Variants in CCDC149 observed in about 807,000 individuals in gnomAD.
CCDC149 encodes coiled-coil domain-containing protein 149.
In CCDC149, 45 loss-of-function variants were observed where a neutral mutation model predicts 59.9. The ratio of observed to expected loss-of-function variants is 0.75; its 90% CI spans 0.59 to 0.96. The LOEUF (loss-of-function observed/expected upper bound fraction) is 0.96. CCDC149 is among the 40% of genes least tolerant of loss of function. The pLI is 0.00. For missense variants in CCDC149, 584 were observed against 664.7 expected (o/e 0.88, Z 1.33); for synonymous variants, 245 against 260.6 (o/e 0.94, Z 0.58).
intron 3 of CCDC149, among the ~76,000 whole-genome samples, chr4:24,864,538 C>A (rs1560224653): frequency 6.6e-6 from 1 of 152,130 alleles, no homozygotes; most frequent in Admixed American, 6.5e-5. Flanking sequence ...CCCCTACCTG[C>A]CAAATTATCC....
upstream of CCDC149, among the ~76,000 whole-genome samples, chr4:24,913,232 T>G (rs560900218): frequency 3.9e-5 from 6 of 152,126 alleles, no homozygotes; most frequent in African/African-American, 1.4e-4. Flanking sequence ...CTCAGCGCTC[T>G]CCGCGCGGGA....
At chr4:24,943,108 G>T (rs1028088410) in intron 1 of CCDC149, among the ~76,000 whole-genome samples, 8 of 152,012 alleles carry the variant, frequency 5.3e-5, no homozygotes, top group Non-Finnish European at 1.2e-4. Context: ...TAAGCCAAAA[G>T]AACAAAGCTG....
At chr4:24,896,600 A>T (rs771902056) in intron 1 of CCDC149, among the ~76,000 whole-genome samples, 3 of 152,104 alleles carry the variant, frequency 2.0e-5, no homozygotes, top group Non-Finnish European at 4.4e-5. Context: ...TCCCACCCAC[A>T]GCCTCTGCCT....
In CCDC149 at chr4:24,962,806, C is replaced by T. The variant is rs1340955829; in HGVS notation, c.-65+17263G>A. ...TTAAGTGACGAGTTAGTGGGTGCAG[C>T]ACACCAACATGGCACATGTATACAT... is the stretch of plus-strand genomic sequence containing the variant. On this transcript the variant is annotated intron_variant, in intron 1 of 12. Coordinates refer to the CCDC149 transcript ENST00000389609. Among the ~76,000 whole-genome samples, 6 of 151,842 alleles carry T rather than the reference C, an allele frequency of 4.0e-5. No homozygotes were observed. The South Asian group carries it at 8.4e-4, about 21-fold the overall frequency.
intron 1 of CCDC149, among the ~76,000 whole-genome samples, chr4:24,972,191 C>T (rs1263881328): frequency 6.6e-6 from 1 of 152,226 alleles, no homozygotes; most frequent in African/African-American, 2.4e-5. Context: ...ACTATTTTCA[C>T]AGACAGAGGG....
intron 3 of CCDC149, among the ~76,000 whole-genome samples, chr4:24,862,165 G>C (rs41499048): frequency 0.025 from 3,793 of 152,280 alleles, 150 homozygotes; most frequent in African/African-American, 0.086. Context: ...CCCTCAAAGT[G>C]ATAAACATAT....
chr4:24,865,009 C>T (rs527716087), intron 3 of CCDC149, among the ~76,000 whole-genome samples: 5 of 152,080 alleles, frequency 3.3e-5, no homozygotes, highest in East Asian at 1.9e-4. Flanking sequence ...TATGTAACCT[C>T]GCCATGGAAA....
intron 12 of CCDC149, among the ~76,000 whole-genome samples, chr4:24,816,562 G>A (rs1457047633): frequency 1.3e-5 from 2 of 151,872 alleles, no homozygotes; most frequent in African/African-American, 4.8e-5. Context: ...CTAAGCTGTG[G>A]GTGTTTTATT....
intron 1 of CCDC149, among the ~76,000 whole-genome samples, chr4:24,921,648 C>T (rs187636207): frequency 1.6e-4 from 25 of 152,370 alleles, no homozygotes; most frequent in Admixed American, 1.2e-3. Context: ...TACCTGCCAT[C>T]ACCCGCCAGC....
At chr4:24,879,316 A>G (rs2109255574) in intron 1 of CCDC149, among the ~76,000 whole-genome samples, 1 of 152,084 alleles carries the variant, frequency 6.6e-6, no homozygotes, top group South Asian at 2.1e-4. Context: ...TCAGGAGTTC[A>G]AGACTAGCCT....
chr4:24,947,536 T>A (rs970967409), intron 1 of CCDC149, among the ~76,000 whole-genome samples: 1 of 152,122 alleles, frequency 6.6e-6, no homozygotes, highest in African/African-American at 2.4e-5. Context: ...AACTCCTCCC[T>A]CCTAACCTAC....
intron 1 of CCDC149, among the ~76,000 whole-genome samples, chr4:24,942,551 A>G (rs1258082178): frequency 1.3e-5 from 2 of 152,218 alleles, no homozygotes; most frequent in Admixed American, 6.5e-5. Flanking sequence ...AACCAGAGCA[A>G]TCAGGCAGGA....
intron 1 of CCDC149, among the ~76,000 whole-genome samples, chr4:24,897,724 G>A (rs1265743570): frequency 6.6e-6 from 1 of 152,174 alleles, no homozygotes; most frequent in Non-Finnish European, 1.5e-5. Context: ...AAGAGGGGCA[G>A]AACAATTTGG....
At chr4:24,817,994 C>T (rs149673914) in intron 12 of CCDC149, among the ~76,000 whole-genome samples, 12 of 152,122 alleles carry the variant, frequency 7.9e-5, no homozygotes, top group African/African-American at 2.4e-4. Flanking sequence ...TGTGATGAAA[C>T]GGTACTCCAA....
At chr4:24,893,613 CTTTTTT>C (rs3066508) in intron 1 of CCDC149, among the ~76,000 whole-genome samples, 11 of 65,878 alleles carry the variant, frequency 1.7e-4, no homozygotes, top group Admixed American at 3.0e-4. Flanking sequence ...AAAATACAGA[CTTTTTT>C]TTTTTTTTTT....
chr4:24,833,264 A>G (rs1716275298), intron 8 of CCDC149, among the ~76,000 whole-genome samples: 1 of 151,810 alleles, frequency 6.6e-6, no homozygotes, highest in African/African-American at 2.4e-5. Flanking sequence ...ACTTAACAAT[A>G]TTATTCATCA....
chr4:24,939,771 G>A (rs941888505), intron 1 of CCDC149, among the ~76,000 whole-genome samples: 7 of 152,176 alleles, frequency 4.6e-5, no homozygotes, highest in Non-Finnish European at 5.9e-5. Context: ...TAACCGATGC[G>A]ATCAAGTGGA....
intron 4 of CCDC149, among the ~76,000 whole-genome samples, chr4:24,846,788 G>A (rs1717314889): frequency 1.3e-5 from 2 of 152,144 alleles, no homozygotes; most frequent in South Asian, 2.1e-4. Context: ...GCCAGCAGGG[G>A]CCCAGGAAGT....
At chr4:24,855,447 T>C (rs1013739069) in intron 3 of CCDC149, among the ~76,000 whole-genome samples, 34 of 151,956 alleles carry the variant, frequency 2.2e-4, no homozygotes, top group African/African-American at 7.5e-4. Flanking sequence ...ATGCCTATAG[T>C]CCCAGCTACA....
Sources: allele counts gnomAD v4.1 joint callset (sites outside exome capture counted in the v4.1 genomes callset), GRCh38; gene constraint gnomAD v4.1.1; transcripts MANE v1.5; gene names NCBI Gene and HGNC (gene_info 2026-07-23, HGNC 2026-07-21).